PTPRD: variants seen among roughly 807,000 people sequenced by gnomAD.
PTPRD encodes receptor-type tyrosine-protein phosphatase delta.
PTPRD carries 34 observed loss-of-function variants against 214.5 expected under a neutral mutation model. The ratio of observed to expected loss-of-function variants is 0.16; its 90% confidence interval spans 0.12 to 0.21. PTPRD has a LOEUF of 0.21. Among genes scored for constraint, PTPRD ranks in the 10% least tolerant of loss-of-function variants. PTPRD has a pLI of 1.00. For synonymous variants in PTPRD, 1,128 were observed against 845.7 expected (o/e 1.33, Z -5.79); for missense variants, 2,545 against 2,398.7 (o/e 1.06, Z -1.27).
rs139701303 is a variant in PTPRD at position 10,089,311 on chromosome 9, T to C, written c.-544-55521A>G. On this transcript the variant is annotated intron_variant, in intron 3 of 45. Coordinates refer to ENST00000381196, the MANE Select transcript of PTPRD (RefSeq NM_002839.4). ...ATCCCAAGTAAAAATAAAAAATGTT[T>C]AGTTATGATAGTATTTATGATAATA... is the stretch of plus-strand genomic sequence containing the variant. Among the ~76,000 whole-genome samples the C allele has an allele frequency of 3.8e-3, 583 of 151,700 alleles. 7 individuals are homozygous for C. The highest frequency in any genetic ancestry group is 0.014 in the African/African-American group (563 of 41,502).
At chr9:10,409,992 G>A (rs2154505190) in intron 2 of PTPRD, among the ~76,000 whole-genome samples, 1 of 151,638 alleles carries the variant, frequency 6.6e-6, no homozygotes, top group Middle Eastern at 3.4e-3. Context: ...CCAAATTCCT[G>A]ACTCACAGAA....
intron 14 of PTPRD, among the ~76,000 whole-genome samples, chr9:8,574,536 G>A (rs771222515): frequency 3.3e-5 from 5 of 151,814 alleles, no homozygotes; most frequent in Non-Finnish European, 4.4e-5. Context: ...ACACCTAGGT[G>A]GTATATATAG....
intron 2 of PTPRD, among the ~76,000 whole-genome samples, chr9:10,585,216 C>G (rs1482096980): frequency 1.3e-5 from 2 of 151,876 alleles, no homozygotes; most frequent in Non-Finnish European, 2.9e-5. Flanking sequence ...ATTATTAATA[C>G]TTTAATTTAA....
chr9:9,292,611 T>G (rs1377522908), intron 9 of PTPRD, among the ~76,000 whole-genome samples: 1 of 151,518 alleles, frequency 6.6e-6, no homozygotes, highest in African/African-American at 2.4e-5. Context: ...GATAAATTAT[T>G]ATTAACTAAA....
intron 2 of PTPRD, among the ~76,000 whole-genome samples, chr9:10,598,245 T>G (rs2077067451): frequency 6.6e-6 from 1 of 151,836 alleles, no homozygotes; most frequent in Non-Finnish European, 1.5e-5. Flanking sequence ...TATATTCAGT[T>G]TTACATAAGT....
chr9:8,349,297 CT>C (rs2074760916), intron 39 of PTPRD, among the ~76,000 whole-genome samples: 1 of 152,106 alleles, frequency 6.6e-6, no homozygotes, highest in African/African-American at 2.4e-5. Context: ...AAATTCAGAG[CT>C]TTTAAAAGTA....
At chr9:10,443,406 A>G (rs1047253684) in intron 2 of PTPRD, among the ~76,000 whole-genome samples, 1 of 151,604 alleles carries the variant, frequency 6.6e-6, no homozygotes, top group African/African-American at 2.4e-5. Flanking sequence ...TGTACTGTTC[A>G]CCAACTGTCC....
At chr9:9,735,752 G>A (rs1288518959) in intron 6 of PTPRD, among the ~76,000 whole-genome samples, 1 of 152,002 alleles carries the variant, frequency 6.6e-6, no homozygotes, top group Admixed American at 6.6e-5. Flanking sequence ...GATGTAAAAC[G>A]GATGATCTAT....
intron 2 of PTPRD, among the ~76,000 whole-genome samples, chr9:10,487,377 T>C (rs1283589289): frequency 6.6e-6 from 1 of 152,236 alleles, no homozygotes; most frequent in Non-Finnish European, 1.5e-5. Context: ...CTTCCTTCTT[T>C]CTTCCCTTCC....
Position 10,582,230 on chromosome 9 carries a change from A to G in PTPRD, c.-600+30168T>C, listed in dbSNP as rs181941584. ...CTGTTTATCAACAAGAAGCAGCATGAGCCATTATCAGTTTTTGATCAATAA... is the reference window on the plus strand; with the variant it reads ...CTGTTTATCAACAAGAAGCAGCATGGGCCATTATCAGTTTTTGATCAATAA... On this transcript the variant is annotated intron_variant, in intron 2 of 45. Coordinates refer to ENST00000381196, the MANE Select transcript of PTPRD (RefSeq NM_002839.4). Among the ~76,000 whole-genome samples the G allele has an allele frequency of 3.0e-3, 452 of 152,258 alleles. 3 individuals carry two copies. The highest frequency in any genetic ancestry group is 1.9e-3 in the Non-Finnish European group (128 of 68,002).
At chr9:10,009,349 GAGAC>G (rs2096551391) in intron 4 of PTPRD, among the ~76,000 whole-genome samples, 1 of 152,062 alleles carries the variant, frequency 6.6e-6, no homozygotes, top group African/African-American at 2.4e-5. Context: ...ACATTTTAGG[GAGAC>G]AGACAGATAT....
intron 11 of PTPRD, among the ~76,000 whole-genome samples, chr9:8,928,200 A>G (rs950284504): frequency 2.0e-5 from 3 of 152,168 alleles, no homozygotes; most frequent in Non-Finnish European, 4.4e-5. Context: ...GAAGCTCTTT[A>G]GTTTAAATAA....
At chr9:10,298,388 AC>A (rs2095752789) in intron 3 of PTPRD, among the ~76,000 whole-genome samples, 1 of 142,740 alleles carries the variant, frequency 7.0e-6, no homozygotes, top group African/African-American at 2.8e-5. Flanking sequence ...CAATTATAGT[AC>A]GATATGATCC....
intron 7 of PTPRD, among the ~76,000 whole-genome samples, chr9:9,728,858 T>C (rs1001229122): frequency 1.3e-5 from 2 of 152,166 alleles, no homozygotes; most frequent in Non-Finnish European, 2.9e-5. Context: ...CATGTTTTTT[T>C]AGTTTATCTA....
chr9:9,156,357 G>C (rs1281050601), intron 10 of PTPRD, among the ~76,000 whole-genome samples: 1 of 133,774 alleles, frequency 7.5e-6, no homozygotes, highest in Non-Finnish European at 1.6e-5. Flanking sequence ...TTATATGTAT[G>C]TTAATGTTTT....
At chr9:9,718,341 G>A (rs2097869992) in intron 7 of PTPRD, among the ~76,000 whole-genome samples, 1 of 152,182 alleles carries the variant, frequency 6.6e-6, no homozygotes, top group Non-Finnish European at 1.5e-5. Context: ...AACACTGACG[G>A]CTGCAGAAGC....
intron 8 of PTPRD, among the ~76,000 whole-genome samples, chr9:9,479,262 T>A (rs1380932984): frequency 8.5e-6 from 1 of 118,280 alleles, no homozygotes; most frequent in African/African-American, 3.3e-5. Flanking sequence ...TTTGGAATTA[T>A]AAAACATTTC....
intron 12 of PTPRD, among the ~76,000 whole-genome samples, chr9:8,690,190 A>G (rs1049375280): frequency 1.3e-5 from 2 of 151,996 alleles, no homozygotes; most frequent in African/African-American, 4.8e-5. Flanking sequence ...CAAAGGTAGG[A>G]TATTTTTTCA....
intron 2 of PTPRD, among the ~76,000 whole-genome samples, chr9:10,596,389 C>A (rs2076632864): frequency 6.6e-6 from 1 of 151,640 alleles, no homozygotes. Flanking sequence ...CTCCCATTTA[C>A]TGAGCCCCTG....
Sources: allele counts gnomAD v4.1 joint callset (sites outside exome capture counted in the v4.1 genomes callset), GRCh38; gene constraint gnomAD v4.1.1; transcripts MANE v1.5; gene names NCBI Gene and HGNC (gene_info 2026-07-23, HGNC 2026-07-21).